Variants in PCNX1 observed in about 807,000 individuals in gnomAD.
The protein encoded by PCNX1 is pecanex 1.
In PCNX1, 78 loss-of-function variants were observed where a neutral mutation model predicts 242.2. The ratio of observed to expected loss-of-function variants is 0.32; its 90% CI spans 0.27 to 0.39. The LOEUF is 0.39. Among genes scored for constraint, PCNX1 ranks in the 10% least tolerant of loss-of-function variants. The pLI is 1.00. For synonymous variants in PCNX1, 1,024 were observed against 1,032.9 expected, an observed-to-expected ratio of 0.99 and a Z score of 0.17; for missense variants, 2,581 against 2,856.5, an observed-to-expected ratio of 0.90 and a Z score of 2.20.
chr14:71,100,114 TGGTCCTATCATGAA>T (rs974729302), intron 30 of PCNX1, among the ~76,000 whole-genome samples: 1 of 152,202 alleles, frequency 6.6e-6, no homozygotes, highest in African/African-American at 2.4e-5. Flanking sequence ...AGGAAGTTGT[TGGTCCTATCATGAA>T]GGTCCTATCA....
intron 30 of PCNX1, among the ~76,000 whole-genome samples, chr14:71,098,187 G>A (rs1191126827): frequency 6.6e-6 from 1 of 152,142 alleles, no homozygotes. Context: ...GGTCACTGTA[G>A]CCTTATAATT....
chr14:71,010,506 T>C (rs570558098), intron 9 of PCNX1, among the ~76,000 whole-genome samples: 4 of 152,218 alleles, frequency 2.6e-5, no homozygotes, highest in East Asian at 3.9e-4. Flanking sequence ...CTTTAGCTTC[T>C]TTTATCCCCC....
intron 1 of PCNX1, among the ~76,000 whole-genome samples, chr14:70,921,776 C>T (rs1214356548): frequency 2.0e-5 from 3 of 152,142 alleles, no homozygotes; most frequent in Admixed American, 6.6e-5. Context: ...TTTGTTTCAA[C>T]TATATAAAGA....
At chr14:71,075,229 A>G (rs2061686804) in intron 27 of PCNX1, among the ~76,000 whole-genome samples, 1 of 151,950 alleles carries the variant, frequency 6.6e-6, no homozygotes, top group South Asian at 2.1e-4. Context: ...GGGCTCAAGC[A>G]GTTCTCCCAC....
chr14:71,074,283 A>T (rs987128480), intron 27 of PCNX1, among the ~76,000 whole-genome samples: 1 of 152,186 alleles, frequency 6.6e-6, no homozygotes, highest in African/African-American at 2.4e-5. Context: ...AACTGAATAA[A>T]AGTATTGCAA....
At position 70,977,690 on chromosome 14, in the gene PCNX1, T is replaced by G. The variant is rs1192318029; in HGVS notation, c.1353T>G (p.Ser451Arg). ...GTGCCAGTGACAAAAGGACTAGCAG[T>G]GAAAAGATTGCTATGGAAGCGAGTA... ...NSCASDKRTSSEKIAMEASTN... is the reference protein window; with the variant it reads ...NSCASDKRTSREKIAMEASTN... The change falls in exon 6 of 36, where the codon AGT becomes AGG. Residue 451 changes from serine (S) to arginine (R), a missense_variant. Ser to Arg is a moderately radical substitution (Grantham distance 110). Transcript: ENST00000304743. The G allele has an allele frequency of 6.2e-7, 1 of 1,613,766 alleles. No homozygotes were observed. Among genetic ancestry groups the G allele is most frequent in the Non-Finnish European group, 8.5e-7 (1 of 1,179,978 alleles).
intron 30 of PCNX1, among the ~76,000 whole-genome samples, chr14:71,094,340 C>T (rs1264531669): frequency 6.6e-6 from 1 of 152,146 alleles, no homozygotes; most frequent in Admixed American, 6.5e-5. Context: ...TGGAAATGCT[C>T]TATATCTAGA....
chr14:71,026,882 G>C lies in PCNX1; in HGVS notation c.3466G>C (p.Ala1156Pro). Residue 1156 changes from alanine to proline, a missense_variant and splice_region_variant, in exon 15 of 36, where the codon GCC becomes CCC. Physicochemically the swap from Ala to Pro is conservative, Grantham distance 27. Coordinates refer to ENST00000304743, the MANE Select transcript of PCNX1 (RefSeq NM_014982.3). ...GGATATTCATATTTTTGGTGGTAAT[G>C]GTGAGTACTTCTTTATAAAAATTAT... Reference protein sequence around the residue: ...QLDIHIFGGNATTSLLAALYS... With the variant: ...QLDIHIFGGNPTTSLLAALYS... The C allele has an allele frequency of 8.1e-7, 1 of 1,239,692 alleles. No homozygotes were observed. The highest frequency in any genetic ancestry group is 1.2e-6 in the Non-Finnish European group (1 of 841,524). 76.8% of individuals were successfully genotyped at this position (1,239,692 alleles called of 1,614,324 possible).
intron 1 of PCNX1, among the ~76,000 whole-genome samples, chr14:70,908,998 T>G (rs2063614225): frequency 6.6e-6 from 1 of 152,210 alleles, no homozygotes; most frequent in Non-Finnish European, 1.5e-5. Flanking sequence ...GAGGAAAGGA[T>G]CTGAACTTTT....
chr14:71,061,875 G>T (rs1035626385), intron 26 of PCNX1, among the ~76,000 whole-genome samples: 2 of 152,104 alleles, frequency 1.3e-5, no homozygotes, highest in Non-Finnish European at 2.9e-5. Context: ...ACTGGAACAG[G>T]AACACATAGC....
intron 1 of PCNX1, among the ~76,000 whole-genome samples, chr14:70,935,274 C>T (rs531463945): frequency 3.7e-4 from 57 of 152,272 alleles, no homozygotes; most frequent in Non-Finnish European, 6.3e-4. Flanking sequence ...GAGCTGGGCA[C>T]AGTGTCTCAT....
intron 28 of PCNX1, among the ~76,000 whole-genome samples, chr14:71,082,922 A>T (rs946952231): frequency 1.3e-5 from 2 of 152,164 alleles, no homozygotes; most frequent in African/African-American, 4.8e-5. Context: ...CCATTAGTTG[A>T]TGCAGTTTCT....
chr14:71,026,149 A>G lies in PCNX1; in HGVS notation c.3216A>G (p.Pro1072=), dbSNP rs1222463242. ...GHNRIIAYSR[P]VYFCICCGLI... is the part of the protein sequence containing the mutation. ...ATCGTATCATTGCCTACAGTAGACC[A>G]GTTTATTTCTGCATATGTTGCGGTC... The change falls in exon 14 of 36, where the codon CCA becomes CCG. Residue 1072 remains proline (P), a synonymous_variant. Transcript: ENST00000304743. 1 of 1,608,658 alleles carries G rather than the reference A, an allele frequency of 6.2e-7. No individual in the cohort carries two copies. The highest frequency in any genetic ancestry group is 8.5e-7 in the Non-Finnish European group (1 of 1,177,050).
chr14:71,054,513 T>C (rs920534216), intron 24 of PCNX1, among the ~76,000 whole-genome samples: 2 of 152,220 alleles, frequency 1.3e-5, no homozygotes, highest in Non-Finnish European at 2.9e-5. Flanking sequence ...TTTTTATTAT[T>C]GTCAACAAGT....
intron 28 of PCNX1, among the ~76,000 whole-genome samples, chr14:71,083,099 C>T (rs1400735872): frequency 1.3e-5 from 2 of 152,102 alleles, no homozygotes; most frequent in Non-Finnish European, 2.9e-5. Context: ...TTTATTACTC[C>T]TTAGCTTATG....
At position 70,950,972 on chromosome 14, in the gene PCNX1, A is replaced by G. The variant is rs369825257; in HGVS notation, c.362+3849A>G. 5.9e-5 allele frequency among the ~76,000 whole-genome samples: 9 copies of G among 152,054 alleles called. No individual in the cohort carries two copies. In the East Asian group the frequency reaches 7.7e-4, roughly 13 times the overall value. ...TGTGTGTTTGTTATTTCTGCTTTTG[A>G]TAACGTTTTCTAAGATTTTCCTTCC... On this transcript the variant is annotated intron_variant, in intron 2 of 35. Transcript: ENST00000304743.
At chr14:71,022,480 G>A (rs2060130847) in intron 12 of PCNX1, among the ~76,000 whole-genome samples, 1 of 152,152 alleles carries the variant, frequency 6.6e-6, no homozygotes, top group Admixed American at 6.5e-5. Flanking sequence ...GTCAAATCTA[G>A]CCAAGGGCCA....
At chr14:70,972,933 A>G (rs1274717874) in intron 5 of PCNX1, among the ~76,000 whole-genome samples, 1 of 152,170 alleles carries the variant, frequency 6.6e-6, no homozygotes, top group Non-Finnish European at 1.5e-5. Flanking sequence ...GATAAGATTT[A>G]CAAAGAGGGA....
chr14:71,110,922 C>T lies in PCNX1; in HGVS notation c.*987C>T, dbSNP rs2062742363. 1 of 152,554 alleles carries T rather than the reference C, an allele frequency of 6.6e-6. No individual in the cohort carries two copies. The highest frequency in any genetic ancestry group is 6.5e-5 in the Admixed American group (1 of 15,268). The allele number at this position is 152,554 out of a possible 1,614,324, so 9.5% of individuals were successfully genotyped here. On this transcript the variant is annotated 3_prime_UTR_variant, in exon 36 of 36. Coordinates refer to ENST00000304743, the MANE Select transcript of PCNX1 (RefSeq NM_014982.3). The stretch of plus-strand genomic sequence containing the variant: ...ATGTCCAGGAATTTAAAGAAAGGAT[C>T]GATTGCCTTTTATTTATGAGTTTCT...
Sources: gnomAD v4.1 joint callset for allele counts (sites outside exome capture counted in the v4.1 genomes callset) on GRCh38, gnomAD v4.1.1 for gene constraint, MANE v1.5 for transcripts, NCBI Gene and HGNC (gene_info 2026-07-23, HGNC 2026-07-21) for gene names.